GALNT5: variants seen among roughly 807,000 people sequenced by gnomAD.
The protein encoded by GALNT5 is polypeptide N-acetylgalactosaminyltransferase 5.
GALNT5 carries 72 observed loss-of-function variants against 85.4 expected under a neutral mutation model. That is an observed-to-expected ratio of 0.84 (90% confidence interval 0.70 to 1.03). The LOEUF is 1.03. Among genes scored for constraint, GALNT5 ranks in the 50% least tolerant of loss-of-function variants. The pLI is 0.00. For missense variants in GALNT5, 1,137 were observed against 1,135.5 expected, an observed-to-expected ratio of 1.00 and a Z score of -0.02; for synonymous variants, 404 against 397.0, an observed-to-expected ratio of 1.02 and a Z score of -0.21.
intron 1 of GALNT5, among the ~76,000 whole-genome samples, chr2:157,282,227 A>T (rs10207074): frequency 0.22 from 32,702 of 149,718 alleles, 3,708 homozygotes; most frequent in East Asian, 0.46. Context: ...CTGTCAATTT[A>T]TTTTTTTTAA....
chr2:157,258,992 G>A lies in GALNT5; in HGVS notation c.910G>A (p.Asp304Asn). ...GACACCTTTGGGAAGTTTGTCAAAG[G>A]ATGATGGAGCTAGAGGGGCTCATGG... ...NETPLGSLSK[D>N]DGARGAHGKK... is the part of the protein sequence containing the mutation. Residue 304 changes from aspartate (D) to asparagine (N), a missense_variant, in exon 1 of 10, where the codon GAT becomes AAT. Transcript: ENST00000259056. The A allele has an allele frequency of 6.7e-7, 1 of 1,499,978 alleles. No homozygotes were observed. Among genetic ancestry groups the A allele is most frequent in the South Asian group, 1.4e-5 (1 of 69,360 alleles). The allele number at this position is 1,499,978 out of a possible 1,614,324, so 92.9% of individuals were successfully genotyped here. A position where few individuals can be genotyped will look rare whatever the true frequency, so the allele number is the denominator to read the frequency against.
Position 157,287,860 on chromosome 2 carries a change from C to T in GALNT5, c.1741+1726C>T, listed in dbSNP as rs753229747. Among the ~76,000 whole-genome samples the T allele has an allele frequency of 1.3e-3, 198 of 152,294 alleles. 3 individuals are homozygous for T. The highest frequency in any genetic ancestry group is 1.2e-3 in the South Asian group (6 of 4,824). ...GCTGATTTATATGCTAGGTGCCATT[C>T]TGAATACTTTGTGTATTAACTGATT... On this transcript the variant is annotated intron_variant, in intron 3 of 9. Coordinates refer to ENST00000259056, the MANE Select transcript of GALNT5 (RefSeq NM_014568.3).
At chr2:157,299,470 C>G (rs1349190532) in intron 5 of GALNT5, 78 bp from the exon 6 acceptor site, 5 of 828,456 alleles carry the variant, frequency 6.0e-6, no homozygotes, top group African/African-American at 3.4e-5. Context: ...ACCTCCCGTA[C>G]AGATGTACAG....
chr2:157,269,239 T>C (rs190748720), intron 1 of GALNT5, among the ~76,000 whole-genome samples: 6 of 152,178 alleles, frequency 3.9e-5, no homozygotes, highest in Non-Finnish European at 7.4e-5. Flanking sequence ...ACAAGCACAC[T>C]AGTTTTGCTA....
At chr2:157,265,568 A>G (rs777139251) in intron 1 of GALNT5, among the ~76,000 whole-genome samples, 21 of 152,190 alleles carry the variant, frequency 1.4e-4, no homozygotes, top group Non-Finnish European at 5.9e-5. Context: ...AATTTGAAAG[A>G]AGTATACTTT....
intron 8 of GALNT5, among the ~76,000 whole-genome samples, chr2:157,306,171 C>G (rs1683452273): frequency 6.6e-6 from 1 of 152,064 alleles, no homozygotes; most frequent in South Asian, 2.1e-4. Context: ...ACATATGAAG[C>G]ATGTAGAACA....
rs1415921874 is a variant in GALNT5 at position 157,292,600 on chromosome 2, C to T, written c.1742-3063C>T. Among the ~76,000 whole-genome samples the T allele has an allele frequency of 3.3e-5, 5 of 152,302 alleles. No individual in the cohort carries two copies. In the East Asian group the frequency reaches 7.7e-4, roughly 23 times the overall value. On this transcript the variant is annotated intron_variant, in intron 3 of 9. Coordinates refer to ENST00000259056, the MANE Select transcript of GALNT5 (RefSeq NM_014568.3). ...GCCACTGGGGACTGAGAAAGATAAT[C>T]CAGGCCCCTTTGACTTCATAAGGCT...
At position 157,258,113 on chromosome 2, in the gene GALNT5, A is replaced by G; in HGVS notation, c.31A>G (p.Ser11Gly). 6.2e-7 allele frequency: 1 copy of G among 1,614,056 alleles called. No homozygotes were observed. The highest frequency in any genetic ancestry group is 8.5e-7 in the Non-Finnish European group (1 of 1,180,006). The change falls in exon 1 of 10, where the codon AGT becomes GGT. Residue 11 changes from serine (S) to glycine (G), a missense_variant. Coordinates refer to ENST00000259056, the MANE Select transcript of GALNT5 (RefSeq NM_014568.3). ...CAGGATCCGAAAGTTTTTCCGAGGA[A>G]GTGGGCGAGTCTTGGCATTTATCTT... MNRIRKFFRGSGRVLAFIFVA... is the reference protein window; with the variant it reads MNRIRKFFRGGGRVLAFIFVA...
intron 1 of GALNT5, among the ~76,000 whole-genome samples, chr2:157,260,673 G>C (rs1682317596): frequency 6.6e-6 from 1 of 152,190 alleles, no homozygotes; most frequent in South Asian, 2.1e-4. Context: ...TCTTCTTTGT[G>C]ATCTAGGTAG....
At chr2:157,274,053 C>T (rs953087086) in intron 1 of GALNT5, among the ~76,000 whole-genome samples, 1 of 152,048 alleles carries the variant, frequency 6.6e-6, no homozygotes, top group African/African-American at 2.4e-5. Context: ...CAATTCCCAC[C>T]TATGAGTGAA....
intron 2 of GALNT5, 93 bp from the exon 3 acceptor site, chr2:157,285,922 T>C (rs1294397221): frequency 2.8e-5 from 22 of 773,542 alleles, no homozygotes; most frequent in Non-Finnish European, 4.7e-5. Context: ...GGTAATGTCA[T>C]AGTTTTTGGC....
intron 1 of GALNT5, among the ~76,000 whole-genome samples, chr2:157,264,854 TTTAAAG>T (rs1017195766): frequency 3.9e-5 from 6 of 152,106 alleles, no homozygotes; most frequent in African/African-American, 7.2e-5. Flanking sequence ...AAAAAGAAAC[TTTAAAG>T]TTAAATTAAA....
At position 157,305,651 on chromosome 2, in the gene GALNT5, T is replaced by C. The variant is rs1488305304; in HGVS notation, c.2440-98T>C. The C allele has an allele frequency of 4.2e-6, 3 of 708,182 alleles. No individual in the cohort carries two copies. The African/African-American group carries it at 5.3e-5, about 13-fold the overall frequency. The allele number at this position is 708,182 out of a possible 1,614,324, so 43.9% of individuals were successfully genotyped here. A position where few individuals can be genotyped will look rare whatever the true frequency, so the allele number is the denominator to read the frequency against. On this transcript the variant is annotated intron_variant, in intron 7 of 9. Coordinates refer to ENST00000259056, the MANE Select transcript of GALNT5 (RefSeq NM_014568.3). ...AATGCTAAGCTATTAACTTTTAACC[T>C]TATTATAGTTTTATATTCTGTATTT...
intron 1 of GALNT5, among the ~76,000 whole-genome samples, chr2:157,261,004 T>G (rs1242911249): frequency 2.0e-5 from 3 of 152,160 alleles, no homozygotes; most frequent in Non-Finnish European, 4.4e-5. Context: ...AAATTCATGC[T>G]CAAAATTATT....
intron 2 of GALNT5, among the ~76,000 whole-genome samples, chr2:157,285,275 C>T (rs979070611): frequency 6.6e-6 from 1 of 152,080 alleles, no homozygotes; most frequent in African/African-American, 2.4e-5. Flanking sequence ...TAAAATGTGG[C>T]CTTGGAAGCA....
intron 3 of GALNT5, among the ~76,000 whole-genome samples, chr2:157,286,924 G>GTGTGTA (rs769537159): frequency 2.5e-3 from 384 of 151,312 alleles, no homozygotes; most frequent in Middle Eastern, 0.01. Flanking sequence ...GTGTGTGTGT[G>GTGTGTA]TGTGTGTGTG....
At chr2:157,288,912 T>G (rs968231397) in intron 3 of GALNT5, among the ~76,000 whole-genome samples, 1 of 152,102 alleles carries the variant, frequency 6.6e-6, no homozygotes, top group African/African-American at 2.4e-5. Flanking sequence ...TGCCGTCAGA[T>G]AAGATGTGAA....
chr2:157,281,114 C>T (rs150660766), intron 1 of GALNT5, among the ~76,000 whole-genome samples: 36,952 of 151,818 alleles, frequency 0.24, 11,169 homozygotes, highest in African/African-American at 0.72. Context: ...TGGAGTACAG[C>T]AGTGCGATCT....
chr2:157,279,290 T>A (rs997120907), intron 1 of GALNT5, among the ~76,000 whole-genome samples: 1 of 152,214 alleles, frequency 6.6e-6, no homozygotes, highest in African/African-American at 2.4e-5. Flanking sequence ...AGGGACCCAC[T>A]TGAGGAGGCA....
Sources: allele counts gnomAD v4.1 joint callset (sites outside exome capture counted in the v4.1 genomes callset), GRCh38; gene constraint gnomAD v4.1.1; transcripts MANE v1.5; gene names NCBI Gene and HGNC (gene_info 2026-07-23, HGNC 2026-07-21).